Variants in RABGAP1L observed in about 807,000 individuals in gnomAD.
The protein encoded by RABGAP1L is rab GTPase-activating protein 1-like.
A neutral mutation model predicts 137.7 loss-of-function variants in RABGAP1L; 63 were observed. That is an observed-to-expected ratio of 0.46 (90% CI 0.37 to 0.56). RABGAP1L has a LOEUF of 0.56. Among genes scored for constraint, RABGAP1L ranks in the 20% least tolerant of loss-of-function variants. RABGAP1L has a pLI of 0.00. For missense variants in RABGAP1L, 1,095 were observed against 1,244.0 expected (o/e 0.88, Z 1.80); for synonymous variants, 431 against 433.7 (o/e 0.99, Z 0.08).
rs148684223 is a variant in RABGAP1L, at chr1:174,278,687, G to C, written c.1231G>C (p.Glu411Gln). ...EVVEPVRFLL[E>Q]TVVRVYPANE... is the part of the protein sequence containing the mutation. ...GGTGGAGCCTGTTCGCTTTCTCCTG[G>C]AGACAGTAGTCCGTGTGTACCCTGC... is the stretch of plus-strand genomic sequence containing the variant. Residue 411 changes from glutamate (E) to glutamine (Q), a missense_variant, in exon 10 of 26, where the codon GAG becomes CAG. Transcript: ENST00000681986. 67 of 1,612,810 alleles carry C rather than the reference G, an allele frequency of 4.2e-5. No homozygotes were observed. The East Asian group carries it at 1.4e-3, about 33-fold the overall frequency.
At chr1:174,421,997 G>T (rs192730876) in intron 13 of RABGAP1L, among the ~76,000 whole-genome samples, 1 of 152,262 alleles carries the variant, frequency 6.6e-6, no homozygotes, top group Admixed American at 6.5e-5. Context: ...TTGAACTCCT[G>T]ACCTCAGGTG....
chr1:174,189,487 C>T (rs995871390), intron 1 of RABGAP1L, among the ~76,000 whole-genome samples: 4 of 152,140 alleles, frequency 2.6e-5, no homozygotes, highest in East Asian at 1.9e-4. Context: ...TTCTTTAAAC[C>T]TCGCTTATCG....
At chr1:174,697,491 G>T (rs1231186036) in intron 15 of RABGAP1L, among the ~76,000 whole-genome samples, 1 of 152,118 alleles carries the variant, frequency 6.6e-6, no homozygotes, top group Non-Finnish European at 1.5e-5. Flanking sequence ...CAGCTATTTT[G>T]TATTTTTAGT....
At chr1:174,403,735 C>G (rs182566448) in intron 13 of RABGAP1L, among the ~76,000 whole-genome samples, 221 of 151,280 alleles carry the variant, frequency 1.5e-3, no homozygotes, top group Non-Finnish European at 1.9e-3. Flanking sequence ...TTTATAAGAG[C>G]ACATGATGTG....
At chr1:174,715,875 C>G (rs528696718) in intron 17 of RABGAP1L, among the ~76,000 whole-genome samples, 1 of 152,312 alleles carries the variant, frequency 6.6e-6, no homozygotes, top group African/African-American at 2.4e-5. Flanking sequence ...ACCTGATGCT[C>G]CTGGTATTCT....
At position 174,985,881 on chromosome 1, in the gene RABGAP1L, C is replaced by G. The variant is rs577172076; in HGVS notation, c.2806-2760C>G. On this transcript the variant is annotated intron_variant, in intron 24 of 25. Transcript: ENST00000681986. ...CCCAAGCTAATCAGTCATTAGTGACCTACATCGTCATGTGGACTTCTATCC... is the reference window on the plus strand; with the variant it reads ...CCCAAGCTAATCAGTCATTAGTGACGTACATCGTCATGTGGACTTCTATCC... 1.6e-4 allele frequency among the ~76,000 whole-genome samples: 25 copies of G among 152,276 alleles called. No homozygotes were observed. The South Asian group carries it at 3.1e-3, about 19-fold the overall frequency.
At chr1:174,941,807 T>C (rs1452164366) in intron 19 of RABGAP1L, among the ~76,000 whole-genome samples, 1 of 152,182 alleles carries the variant, frequency 6.6e-6, no homozygotes, top group Non-Finnish European at 1.5e-5. Flanking sequence ...ATCCTAAATT[T>C]CCTGATGGAT....
intron 19 of RABGAP1L, chr1:174,877,347 T>TGGGG: frequency 7.7e-7 from 1 of 1,301,916 alleles, no homozygotes; most frequent in Non-Finnish European, 1.0e-6. Flanking sequence ...TTTCTTTCTC[T>TGGGG]TTCTTTCTTT....
At chr1:174,935,984 C>CAAAAAAA (rs58215269) in intron 19 of RABGAP1L, among the ~76,000 whole-genome samples, 4 of 43,180 alleles carry the variant, frequency 9.3e-5, no homozygotes, top group East Asian at 7.1e-4. Context: ...TCCATCTCAC[C>CAAAAAAA]AAAAAAAAAA....
At chr1:174,893,798 T>C (rs1656670649) in intron 19 of RABGAP1L, among the ~76,000 whole-genome samples, 1 of 152,204 alleles carries the variant, frequency 6.6e-6, no homozygotes, top group South Asian at 2.1e-4. Flanking sequence ...AGAATCCTAA[T>C]ATTATTAATA....
At chr1:174,953,528 T>G (rs1410044567) in intron 19 of RABGAP1L, among the ~76,000 whole-genome samples, 2 of 152,198 alleles carry the variant, frequency 1.3e-5, no homozygotes, top group African/African-American at 2.4e-5. Flanking sequence ...AAGGACCCAC[T>G]CTCATCTGTA....
intron 13 of RABGAP1L, among the ~76,000 whole-genome samples, chr1:174,550,889 T>TACAC (rs1219290712): frequency 3.4e-5 from 3 of 87,038 alleles, no homozygotes; most frequent in Admixed American, 1.1e-4. Context: ...TATATATATA[T>TACAC]ATATATACAC....
At chr1:174,769,300 G>T (rs115253439) in intron 18 of RABGAP1L, among the ~76,000 whole-genome samples, 1 of 152,086 alleles carries the variant, frequency 6.6e-6, no homozygotes, top group Non-Finnish European at 1.5e-5. Context: ...CATCTTGTGC[G>T]CTGAGTTGCT....
intron 19 of RABGAP1L, among the ~76,000 whole-genome samples, chr1:174,868,701 T>A (rs879899684): frequency 2.0e-5 from 3 of 152,156 alleles, no homozygotes; most frequent in Admixed American, 1.3e-4. Flanking sequence ...TTTTCATAGT[T>A]GTTCAATTTA....
chr1:174,588,901 C>A (rs2148120185), intron 13 of RABGAP1L, among the ~76,000 whole-genome samples: 1 of 152,296 alleles, frequency 6.6e-6, no homozygotes, highest in South Asian at 2.1e-4. Flanking sequence ...AATAGTACCA[C>A]AGTAAACATA....
At chr1:174,405,534 C>A (rs1353402225) in intron 13 of RABGAP1L, among the ~76,000 whole-genome samples, 3 of 152,054 alleles carry the variant, frequency 2.0e-5, no homozygotes, top group African/African-American at 7.2e-5. Context: ...GATATAAATA[C>A]AAAATTTACA....
At chr1:174,764,655 G>T (rs1055887330) in intron 18 of RABGAP1L, among the ~76,000 whole-genome samples, 1 of 152,182 alleles carries the variant, frequency 6.6e-6, no homozygotes, top group Non-Finnish European at 1.5e-5. Flanking sequence ...CTGTTGCCCA[G>T]GTTGGAGTGC....
intron 5 of RABGAP1L, among the ~76,000 whole-genome samples, chr1:174,249,116 TACAC>T (rs1254582584): frequency 6.6e-6 from 1 of 152,220 alleles, no homozygotes; most frequent in East Asian, 1.9e-4. Context: ...TACACACAAA[TACAC>T]ACACATATGT....
intron 17 of RABGAP1L, among the ~76,000 whole-genome samples, chr1:174,728,145 C>G (rs568490017): frequency 6.6e-6 from 1 of 152,280 alleles, no homozygotes; most frequent in South Asian, 2.1e-4. Context: ...TAATTGGTAT[C>G]CATTTAAAAT....
Sources: gnomAD v4.1 joint callset for allele counts (sites outside exome capture counted in the v4.1 genomes callset) on GRCh38, gnomAD v4.1.1 for gene constraint, MANE v1.5 for transcripts, NCBI Gene and HGNC (gene_info 2026-07-23, HGNC 2026-07-21) for gene names.